The following RABGAP1L variants were observed in gnomAD, a reference collection of about 807,000 sequenced individuals.
RABGAP1L encodes the protein RAB GTPase activating protein 1 like, also known as rab GTPase-activating protein 1-like.
In RABGAP1L, 63 loss-of-function variants were observed where a neutral mutation model predicts 137.7. The observed-to-expected ratio is 0.46, with a 90% CI of 0.37 to 0.56. The LOEUF is 0.56. Ranked by LOEUF, RABGAP1L falls within the 20% of genes least tolerant of loss-of-function variation. The probability of loss-of-function intolerance (pLI) is 0.00; values close to 1 mark genes in which losing one functional copy is unlikely to be tolerated. For missense variants in RABGAP1L, 1,095 were observed against 1,244.0 expected, an observed-to-expected ratio of 0.88 and a Z score of 1.80; for synonymous variants, 431 against 433.7, an observed-to-expected ratio of 0.99 and a Z score of 0.08.
intron 12 of RABGAP1L, among the ~76,000 whole-genome samples, chr1:174,392,435 G>C (rs2149079816): frequency 6.6e-6 from 1 of 152,296 alleles, no homozygotes; most frequent in African/African-American, 2.4e-5. Flanking sequence ...AGGTATGGTA[G>C]CACGTTAAGT....
intron 13 of RABGAP1L, among the ~76,000 whole-genome samples, chr1:174,622,807 A>T (rs1345775103): frequency 6.6e-6 from 1 of 152,240 alleles, no homozygotes; most frequent in African/African-American, 2.4e-5. Flanking sequence ...ATACATATGT[A>T]ACTAACCTGC....
chr1:174,370,162 G>C (rs1684986337), intron 11 of RABGAP1L, among the ~76,000 whole-genome samples: 1 of 152,176 alleles, frequency 6.6e-6, no homozygotes, highest in African/African-American at 2.4e-5. Context: ...TTATCTGCCA[G>C]ATAGATTTTC....
chr1:174,366,359 A>G (rs1203474348), intron 11 of RABGAP1L, among the ~76,000 whole-genome samples: 1 of 152,142 alleles, frequency 6.6e-6, no homozygotes, highest in Non-Finnish European at 1.5e-5. Flanking sequence ...TCAGATTTTT[A>G]CATTGGACCT....
chr1:174,311,905 C>G (rs1678893843), intron 11 of RABGAP1L, among the ~76,000 whole-genome samples: 1 of 152,212 alleles, frequency 6.6e-6, no homozygotes, highest in African/African-American at 2.4e-5. Context: ...CCATGCCCAG[C>G]TGACAGATGA....
chr1:174,824,874 G>A (rs1050408779), intron 19 of RABGAP1L, among the ~76,000 whole-genome samples: 1 of 152,016 alleles, frequency 6.6e-6, no homozygotes, highest in African/African-American at 2.4e-5. Flanking sequence ...CAAAAAAAGC[G>A]AAATATTTTA....
intron 7 of RABGAP1L, among the ~76,000 whole-genome samples, chr1:174,256,575 G>T (rs1438823925): frequency 6.6e-6 from 1 of 152,178 alleles, no homozygotes; most frequent in Admixed American, 6.5e-5. Flanking sequence ...GAGGTCAAGA[G>T]ATCGAGACCA....
intron 4 of RABGAP1L, among the ~76,000 whole-genome samples, chr1:174,239,408 A>G (rs184237020): frequency 6.6e-6 from 1 of 152,302 alleles, no homozygotes; most frequent in Admixed American, 6.5e-5. Context: ...CTTACCAGTC[A>G]TATTTCCCGC....
chr1:174,521,709 A>G (rs1464114120), intron 13 of RABGAP1L, among the ~76,000 whole-genome samples: 1 of 152,162 alleles, frequency 6.6e-6, no homozygotes, highest in Non-Finnish European at 1.5e-5. Context: ...AGTGGGGAAA[A>G]CTGACAAAAA....
intron 13 of RABGAP1L, among the ~76,000 whole-genome samples, chr1:174,521,877 G>A (rs1572154747): frequency 6.6e-6 from 1 of 152,176 alleles, no homozygotes; most frequent in Non-Finnish European, 1.5e-5. Flanking sequence ...TCAGAAGTTC[G>A]AGACCAGCCT....
chr1:174,787,225 A>T (rs932576601), intron 18 of RABGAP1L, among the ~76,000 whole-genome samples: 1 of 152,104 alleles, frequency 6.6e-6, no homozygotes, highest in Admixed American at 6.6e-5. Context: ...CAACATGGTG[A>T]AACCCTGTCT....
At chr1:174,686,386 T>G (rs332767) in intron 15 of RABGAP1L, among the ~76,000 whole-genome samples, 54,856 of 151,890 alleles carry the variant, frequency 0.36, 12,771 homozygotes, top group African/African-American at 0.67. Context: ...TTTCTCTACA[T>G]CTCACCTTTT....
In RABGAP1L at chr1:174,231,387, T is replaced by C. The variant is rs372280728; in HGVS notation, c.542+32T>C. The C allele has an allele frequency of 5.2e-4, 814 of 1,577,154 alleles. 5 individuals carry two copies. The highest frequency in any genetic ancestry group is 1.2e-3 in the Middle Eastern group (7 of 6,012). ...TCTAATTTGTTTTTCTTTAGACACA[T>C]ATTAAGTCTTTTGGGTGGTGGTGAA... On this transcript the variant is annotated intron_variant, in intron 4 of 25. Coordinates refer to ENST00000681986, the MANE Select transcript of RABGAP1L (RefSeq NM_001366446.1).
At chr1:174,299,191 C>T (rs908884010) in intron 10 of RABGAP1L, among the ~76,000 whole-genome samples, 2 of 152,152 alleles carry the variant, frequency 1.3e-5, no homozygotes, top group African/African-American at 4.8e-5. Flanking sequence ...GAAGTTTGTT[C>T]CATAAGGAAT....
intron 10 of RABGAP1L, among the ~76,000 whole-genome samples, chr1:174,294,296 A>G (rs553076889): frequency 1.3e-5 from 2 of 152,336 alleles, no homozygotes; most frequent in East Asian, 1.9e-4. Flanking sequence ...GAATTAATGA[A>G]TCAATGAATT....
At chr1:174,530,628 G>A (rs1219238492) in intron 13 of RABGAP1L, among the ~76,000 whole-genome samples, 1 of 152,190 alleles carries the variant, frequency 6.6e-6, no homozygotes, top group Non-Finnish European at 1.5e-5. Flanking sequence ...CAGCCAAGCA[G>A]TCTGCCTCCC....
At chr1:174,742,386 G>A (rs566791002) in intron 17 of RABGAP1L, among the ~76,000 whole-genome samples, 4 of 151,480 alleles carry the variant, frequency 2.6e-5, no homozygotes, top group South Asian at 2.1e-4. Flanking sequence ...GTGTAGTGGC[G>A]CACACCTGTA....
intron 13 of RABGAP1L, among the ~76,000 whole-genome samples, chr1:174,502,364 C>T (rs531209533): frequency 6.6e-6 from 1 of 151,578 alleles, no homozygotes; most frequent in South Asian, 2.1e-4. Context: ...GAGGCACACC[C>T]TTGAACAAAC....
At chr1:174,884,298 A>C (rs1435927439) in intron 19 of RABGAP1L, among the ~76,000 whole-genome samples, 1 of 152,194 alleles carries the variant, frequency 6.6e-6, no homozygotes, top group Non-Finnish European at 1.5e-5. Context: ...CTTCCTCCTT[A>C]TCGGATTGGC....
intron 13 of RABGAP1L, among the ~76,000 whole-genome samples, chr1:174,473,610 C>G (rs998293921): frequency 1.3e-5 from 2 of 152,136 alleles, no homozygotes; most frequent in East Asian, 1.9e-4. Flanking sequence ...GGGCAGACCA[C>G]AAATTCCTAG....
Sources: gnomAD v4.1 joint callset for allele counts (sites outside exome capture counted in the v4.1 genomes callset) on GRCh38, gnomAD v4.1.1 for gene constraint, MANE v1.5 for transcripts, NCBI Gene and HGNC (gene_info 2026-07-23, HGNC 2026-07-21) for gene names.